Variants in ZFHX3 observed in about 807,000 individuals in gnomAD.
ZFHX3 encodes the protein zinc finger homeobox 3.
ZFHX3 carries 42 observed loss-of-function variants against 279.1 expected under a neutral mutation model. That is an observed-to-expected ratio of 0.15 (90% confidence interval 0.12 to 0.19). The LOEUF (loss-of-function observed/expected upper bound fraction) is 0.19. Among genes scored for constraint, ZFHX3 ranks in the 10% least tolerant of loss-of-function variants. The probability of loss-of-function intolerance (pLI) is 1.00; values close to 1 mark genes in which losing one functional copy is unlikely to be tolerated. For synonymous variants in ZFHX3, 2,293 were observed against 1,957.8 expected (o/e 1.17, Z -4.52); for missense variants, 4,981 against 4,754.0 (o/e 1.05, Z -1.40).
intron 1 of ZFHX3, among the ~76,000 whole-genome samples, chr16:73,873,251 G>GTGGCGGTGGA (rs71156191): frequency 0.046 from 4,771 of 102,984 alleles, 345 homozygotes; most frequent in Middle Eastern, 0.12. Context: ...GGGTGGTTGG[G>GTGGCGGTGGA]TGGCGGTGGA....
intron 2 of ZFHX3, chr16:73,487,372 A>G (rs1486815632): frequency 1.3e-5 from 5 of 396,956 alleles, no homozygotes; most frequent in Non-Finnish European, 2.5e-5. Context: ...TGTTATAGCA[A>G]GGGTCCAATA....
intron 1 of ZFHX3, among the ~76,000 whole-genome samples, chr16:73,719,209 A>G (rs1361059201): frequency 3.3e-5 from 5 of 152,202 alleles, no homozygotes; most frequent in Non-Finnish European, 7.3e-5. Flanking sequence ...TCAAGCACTT[A>G]TCATCTATCC....
chr16:73,328,624 G>A (rs1338797615), intron 3 of ZFHX3, among the ~76,000 whole-genome samples: 1 of 152,180 alleles, frequency 6.6e-6, no homozygotes, highest in East Asian at 1.9e-4. Context: ...TGTATCCAGA[G>A]TTCTCTCTCA....
At chr16:73,579,054 A>G (rs1357069949) in intron 2 of ZFHX3, among the ~76,000 whole-genome samples, 1 of 152,206 alleles carries the variant, frequency 6.6e-6, no homozygotes, top group Non-Finnish European at 1.5e-5. Context: ...AGAAACATTT[A>G]CAATCTATTC....
At chr16:72,973,565 G>C (rs143203614) in intron 1 of ZFHX3, 3 of 152,230 alleles carry the variant, frequency 2.0e-5, no homozygotes, top group Non-Finnish European at 4.4e-5. Flanking sequence ...ACAAGCTCAA[G>C]TTGTACTTGG....
At chr16:73,877,538 C>T (rs1305492334) in intron 1 of ZFHX3, among the ~76,000 whole-genome samples, 1 of 152,102 alleles carries the variant, frequency 6.6e-6, no homozygotes, top group Non-Finnish European at 1.5e-5. Context: ...AAACTTAATC[C>T]TGATATTGGG....
intron 5 of ZFHX3, among the ~76,000 whole-genome samples, chr16:72,820,936 A>G (rs993274523): frequency 5.3e-5 from 8 of 152,212 alleles, no homozygotes; most frequent in African/African-American, 1.9e-4. Flanking sequence ...CCACCGAGTC[A>G]AACAATAATT....
intron 1 of ZFHX3, among the ~76,000 whole-genome samples, chr16:72,961,884 T>TAAACCAAACCAAACCAAACC (rs57537362): frequency 6.7e-6 from 1 of 149,858 alleles, no homozygotes; most frequent in African/African-American, 2.5e-5. Flanking sequence ...ATGACTACAG[T>TAAACCAAACCAAACCAAACC]AAACCAAACC....
At chr16:73,041,212 C>T (rs187233965) in intron 1 of ZFHX3, among the ~76,000 whole-genome samples, 236 of 152,244 alleles carry the variant, frequency 1.6e-3, no homozygotes, top group African/African-American at 3.1e-3. Flanking sequence ...TCTGGGAGTC[C>T]GCACCAGGAT....
At chr16:73,445,817 G>A (rs1266363953) in intron 3 of ZFHX3, among the ~76,000 whole-genome samples, 1 of 152,160 alleles carries the variant, frequency 6.6e-6, no homozygotes, top group Non-Finnish European at 1.5e-5. Context: ...AGCAGGGTTA[G>A]TGTGTAAATA....
chr16:73,200,046 A>C (rs1436339084), intron 5 of ZFHX3, among the ~76,000 whole-genome samples: 4 of 152,350 alleles, frequency 2.6e-5, no homozygotes, highest in Non-Finnish European at 1.5e-5. Context: ...ACATGGAAAA[A>C]AGAAATGGAA....
chr16:73,499,889 C>T (rs950820095), intron 2 of ZFHX3: 5 of 152,206 alleles, frequency 3.3e-5, no homozygotes, highest in African/African-American at 1.2e-4. Flanking sequence ...GCTACCAAAA[C>T]ATCACTGTGC....
chr16:73,044,175 T>C (rs945427184), intron 1 of ZFHX3, among the ~76,000 whole-genome samples: 1 of 152,076 alleles, frequency 6.6e-6, no homozygotes, highest in Non-Finnish European at 1.5e-5. Context: ...CAGAGGACGG[T>C]GGTTCTGAGC....
intron 1 of ZFHX3, among the ~76,000 whole-genome samples, chr16:72,971,437 T>C (rs1177609613): frequency 6.6e-6 from 1 of 152,214 alleles, no homozygotes; most frequent in Non-Finnish European, 1.5e-5. Flanking sequence ...GGCAGCCCAC[T>C]TTACAGGTGA....
chr16:72,889,760 G>A lies in ZFHX3; in HGVS notation c.3419C>T (p.Thr1140Ile), dbSNP rs2144073147. 2 of 1,612,812 alleles carry A rather than the reference G, an allele frequency of 1.2e-6. No homozygotes were observed. Among genetic ancestry groups the A allele is most frequent in the Non-Finnish European group, 1.7e-6 (2 of 1,180,014 alleles). ...GTCCGTGGAGGGGCACCTGCGGATG[G>A]TGAAGATCTGCCCCAGGTCCTCGTC... ...EEDEDLGQIF[T>I]IRRCPSTDPE... is the part of the protein sequence containing the mutation. Residue 1140 changes from threonine to isoleucine, a missense_variant, in exon 4 of 10, where the codon ACC becomes ATC. By Grantham distance (89) the Thr-to-Ile change is moderately conservative. Around this residue, in one of 7 missense-constraint regions of ZFHX3, gnomAD observed 1,751 missense variants for 1,770.0 expected, o/e 0.99. Transcript: ENST00000268489.
chr16:73,816,637 G>T (rs554408351), intron 1 of ZFHX3, among the ~76,000 whole-genome samples: 32 of 151,190 alleles, frequency 2.1e-4, no homozygotes, highest in South Asian at 1.7e-3. Context: ...GATGGGGGGG[G>T]AGAGAAAAAG....
Position 72,795,002 on chromosome 16 carries a change from G to T in ZFHX3, c.7680C>A (p.Phe2560Leu). 1 of 1,614,196 alleles carries T rather than the reference G, an allele frequency of 6.2e-7. No homozygotes were observed. The highest frequency in any genetic ancestry group is 8.5e-7 in the Non-Finnish European group (1 of 1,180,036). The change falls in exon 9 of 10, where the codon TTC becomes TTA. Residue 2560 changes from phenylalanine to leucine, a missense_variant. Physicochemically the swap from Phe to Leu is conservative, Grantham distance 22. Around this residue, in one of 7 missense-constraint regions of ZFHX3, gnomAD observed 744 missense variants for 701.3 expected, o/e 1.06. Transcript: ENST00000268489. ...QLHFLSAQNQFIHPQFLDRSL... is the reference protein window; with the variant it reads ...QLHFLSAQNQLIHPQFLDRSL... Reference sequence around the variant, plus strand: ...ACCTGTCCAAAAACTGGGGGTGGATGAACTGGTTCTGCGCGCTCAGGAAGT... The same window carrying T: ...ACCTGTCCAAAAACTGGGGGTGGATTAACTGGTTCTGCGCGCTCAGGAAGT...
intron 5 of ZFHX3, among the ~76,000 whole-genome samples, chr16:73,178,523 A>G (rs114759148): frequency 2.2e-4 from 34 of 152,112 alleles, no homozygotes; most frequent in African/African-American, 7.2e-4. Context: ...AAATGTGCCA[A>G]TTTCTTCAAC....
chr16:73,467,544 C>T (rs936771827), intron 2 of ZFHX3, among the ~76,000 whole-genome samples: 1 of 152,156 alleles, frequency 6.6e-6, no homozygotes, highest in African/African-American at 2.4e-5. Flanking sequence ...AAAATAAAAG[C>T]TGGATTGACA....
Sources: allele counts gnomAD v4.1 joint callset (sites outside exome capture counted in the v4.1 genomes callset), GRCh38; gene constraint gnomAD v4.1.1; regional missense constraint gnomAD v4.1.1; transcripts MANE v1.5; gene names NCBI Gene and HGNC (gene_info 2026-07-23, HGNC 2026-07-21).